NAALADL2: variants seen among roughly 807,000 people sequenced by gnomAD.
NAALADL2 encodes N-acetylated alpha-linked acidic dipeptidase like 2.
NAALADL2 carries 76 observed loss-of-function variants against 87.2 expected under a neutral mutation model. That is an observed-to-expected ratio of 0.87 (90% CI 0.72 to 1.05). The LOEUF (loss-of-function observed/expected upper bound fraction) is 1.05, where lower values mean the gene tolerates loss of function less well. Among genes scored for constraint, NAALADL2 ranks in the 50% least tolerant of loss-of-function variants. The pLI is 0.00. For missense variants in NAALADL2, 1,089 were observed against 945.8 expected (o/e 1.15, Z -1.99); for synonymous variants, 354 against 331.0 (o/e 1.07, Z -0.75).
rs115183708 is a variant in NAALADL2 at position 175,035,184 on chromosome 3, T to C, written c.44-61606T>C. ...AGGTACATTCTGCATGACCTATGCC[T>C]AGGTTGAAAATTGGGATGCAACACA... is the stretch of plus-strand genomic sequence containing the variant. On this transcript the variant is annotated intron_variant, in intron 1 of 13. Transcript: ENST00000454872. Among the ~76,000 whole-genome samples the C allele has an allele frequency of 5.3e-3, 800 of 152,244 alleles. 5 individuals carry two copies. The highest frequency in any genetic ancestry group is 0.016 in the African/African-American group (674 of 41,544).
intron 1 of NAALADL2, among the ~76,000 whole-genome samples, chr3:174,467,306 A>C (rs1716595181): frequency 6.6e-6 from 1 of 152,178 alleles, no homozygotes; most frequent in South Asian, 2.1e-4. Flanking sequence ...GATTAGAAAC[A>C]ACCTGAGGCC....
At chr3:175,347,680 A>C (rs1234793147) in intron 5 of NAALADL2, among the ~76,000 whole-genome samples, 1 of 152,220 alleles carries the variant, frequency 6.6e-6, no homozygotes, top group East Asian at 1.9e-4. Flanking sequence ...AAATAAGTTT[A>C]GGTAACACAC....
intron 1 of NAALADL2, among the ~76,000 whole-genome samples, chr3:175,040,616 A>G (rs543238573): frequency 9.6e-4 from 146 of 152,278 alleles, no homozygotes; most frequent in African/African-American, 3.4e-3. Flanking sequence ...ATACCTCTAT[A>G]ACACTAATAA....
chr3:175,224,460 T>C (rs564103721), intron 2 of NAALADL2, among the ~76,000 whole-genome samples: 5 of 152,164 alleles, frequency 3.3e-5, no homozygotes, highest in African/African-American at 1.2e-4. Flanking sequence ...TTAATATGTA[T>C]AAGATCATCT....
intron 1 of NAALADL2, among the ~76,000 whole-genome samples, chr3:175,015,849 A>C (rs1176057286): frequency 6.6e-6 from 1 of 152,074 alleles, no homozygotes; most frequent in Non-Finnish European, 1.5e-5. Flanking sequence ...ATGAGGGTCT[A>C]TGTGTTTTAA....
chr3:174,926,670 C>A (rs965638008), intron 1 of NAALADL2, among the ~76,000 whole-genome samples: 1 of 152,054 alleles, frequency 6.6e-6, no homozygotes, highest in South Asian at 2.1e-4. Flanking sequence ...GATTTTGTCA[C>A]CACCAGGCCT....
intron 1 of NAALADL2, among the ~76,000 whole-genome samples, chr3:174,477,108 AAAATT>A (rs1717264766): frequency 6.6e-6 from 1 of 152,070 alleles, no homozygotes; most frequent in African/African-American, 2.4e-5. Flanking sequence ...AAAAAAAAAG[AAAATT>A]AAAGGAAAAA....
intron 11 of NAALADL2, among the ~76,000 whole-genome samples, chr3:175,657,819 G>A (rs1582799356): frequency 2.6e-5 from 4 of 151,734 alleles, no homozygotes; most frequent in Admixed American, 6.6e-5. Context: ...CTCGTGATCC[G>A]CCCGTCTCAG....
intron 10 of NAALADL2, among the ~76,000 whole-genome samples, chr3:175,579,588 A>C (rs894483660): frequency 6.6e-6 from 1 of 152,222 alleles, no homozygotes; most frequent in Non-Finnish European, 1.5e-5. Context: ...ATTCCTTCTC[A>C]TAAAATAGTG....
chr3:174,592,273 G>A (rs1717448922), intron 2 of NAALADL2, among the ~76,000 whole-genome samples: 1 of 151,402 alleles, frequency 6.6e-6, no homozygotes, highest in Non-Finnish European at 1.5e-5. Flanking sequence ...TATACTTTAA[G>A]TTTTAGGGTG....
At position 175,551,621 on chromosome 3, in the gene NAALADL2, C is replaced by T. The variant is rs549687632; in HGVS notation, c.1654-24420C>T. ...ATGACAAAGTTCACACAAGAGGGGC[C>T]GGGCGCGGTGACTCACGCCTGTAAT... On this transcript the variant is annotated intron_variant, in intron 9 of 13. Coordinates refer to ENST00000454872, the MANE Select transcript of NAALADL2 (RefSeq NM_207015.3). Among the ~76,000 whole-genome samples, 101 of 152,230 alleles carry T rather than the reference C, an allele frequency of 6.6e-4. 2 individuals carry two copies. Among genetic ancestry groups the T allele is most frequent in the Admixed American group, 1.6e-3 (25 of 15,284 alleles).
At chr3:175,446,425 A>T (rs990171415) in intron 5 of NAALADL2, among the ~76,000 whole-genome samples, 3 of 152,054 alleles carry the variant, frequency 2.0e-5, no homozygotes, top group Non-Finnish European at 4.4e-5. Context: ...TACTTTTATT[A>T]TGCACGGGGT....
In NAALADL2 at chr3:174,961,344, C is replaced by CA. The variant is rs113805276; in HGVS notation, c.43+101898dup. On this transcript the variant is annotated intron_variant, in intron 1 of 13. Coordinates refer to ENST00000454872, the MANE Select transcript of NAALADL2 (RefSeq NM_207015.3). ...GTAAGATATATATACTTTATCTATA[C>CA]AAAATTCAGAATACAATCTTGATTC... Among the ~76,000 whole-genome samples, 105 of 151,554 alleles carry CA rather than the reference C, an allele frequency of 6.9e-4. 1 individual carries two copies. Among genetic ancestry groups the CA allele is most frequent in the Middle Eastern group, 3.4e-3 (1 of 294 alleles).
chr3:175,129,692 A>G (rs2108619503), intron 2 of NAALADL2, among the ~76,000 whole-genome samples: 1 of 152,328 alleles, frequency 6.6e-6, no homozygotes, highest in Middle Eastern at 3.4e-3. Context: ...ATATGTATAT[A>G]TCTTACATTT....
Position 175,183,262 on chromosome 3 carries a change from A to G in NAALADL2, c.546-50669A>G, listed in dbSNP as rs796074381. Reference sequence around the variant, plus strand: ...TTTATTCCTAAGTATTTTTTTTTGTAATTATTGTAAATGGAAATGTTTTCT... The same window carrying G: ...TTTATTCCTAAGTATTTTTTTTTGTGATTATTGTAAATGGAAATGTTTTCT... On this transcript the variant is annotated intron_variant, in intron 2 of 13. Coordinates refer to ENST00000454872, the MANE Select transcript of NAALADL2 (RefSeq NM_207015.3). Among the ~76,000 whole-genome samples the G allele has an allele frequency of 2.1e-5, 3 of 145,162 alleles. No homozygotes were observed. In the South Asian group the frequency reaches 6.5e-4, roughly 31 times the overall value.
rs149500402 is a variant in NAALADL2, at chr3:175,467,970, C to T, written c.1533+786C>T. On this transcript the variant is annotated intron_variant, in intron 8 of 13. Coordinates refer to ENST00000454872, the MANE Select transcript of NAALADL2 (RefSeq NM_207015.3). ...AAGAGGTTCAATAGACATATGTAGACCAAAAACACTACATAATTTTACTAG... is the reference window on the plus strand; with the variant it reads ...AAGAGGTTCAATAGACATATGTAGATCAAAAACACTACATAATTTTACTAG... Among the ~76,000 whole-genome samples, 474 of 152,016 alleles carry T rather than the reference C, an allele frequency of 3.1e-3. 3 individuals carry two copies. Among genetic ancestry groups the T allele is most frequent in the African/African-American group, 0.01 (429 of 41,482 alleles).
chr3:175,494,329 A>G (rs549588368), intron 9 of NAALADL2, among the ~76,000 whole-genome samples: 7 of 152,284 alleles, frequency 4.6e-5, no homozygotes, highest in Admixed American at 6.5e-5. Context: ...ATGCATGCAT[A>G]CAGAAGCATT....
intron 2 of NAALADL2, among the ~76,000 whole-genome samples, chr3:174,734,242 C>T (rs1243726854): frequency 6.6e-6 from 1 of 151,956 alleles, no homozygotes; most frequent in Non-Finnish European, 1.5e-5. Flanking sequence ...TTTTATTCTC[C>T]ACAAATGAGA....
At chr3:175,010,480 A>G (rs185829819) in intron 1 of NAALADL2, among the ~76,000 whole-genome samples, 198 of 152,224 alleles carry the variant, frequency 1.3e-3, no homozygotes, top group African/African-American at 4.5e-3. Flanking sequence ...TACTGCTTCC[A>G]AATGTTTGTT....
Sources: gnomAD v4.1 joint callset for allele counts (sites outside exome capture counted in the v4.1 genomes callset) on GRCh38, gnomAD v4.1.1 for gene constraint, MANE v1.5 for transcripts, NCBI Gene and HGNC (gene_info 2026-07-23, HGNC 2026-07-21) for gene names.